The following WNK2 variants were observed in gnomAD, a reference collection of about 807,000 sequenced individuals.
The protein encoded by WNK2 is serine/threonine-protein kinase WNK2.
A neutral mutation model predicts 192.1 loss-of-function variants in WNK2; 67 were observed. The observed-to-expected ratio is 0.35, with a 90% CI of 0.29 to 0.43. The LOEUF (loss-of-function observed/expected upper bound fraction) is 0.43, where lower values mean the gene tolerates loss of function less well. WNK2 is among the 20% of genes least tolerant of loss of function. The probability of loss-of-function intolerance (pLI) is 1.00; values close to 1 mark genes in which losing one functional copy is unlikely to be tolerated. For missense variants in WNK2, 2,698 were observed against 3,089.7 expected (o/e 0.87, Z 3.01); for synonymous variants, 1,439 against 1,393.9 (o/e 1.03, Z -0.72).
chr9:93,238,332 C>T lies in WNK2; in HGVS notation c.1322+11C>T. The T allele has an allele frequency of 6.2e-7, 1 of 1,612,630 alleles. No homozygotes were observed. On this transcript the variant is annotated intron_variant, in intron 6 of 29. Transcript: ENST00000427277. ...AAACAAGGAGGAAAGGTGAGTTCCC[C>T]TGAAGGGCTGGGTTCTGGGGTCCAT...
Position 93,308,428 on chromosome 9 carries a change from C to A in WNK2, c.6360C>A (p.Thr2120=). 1 of 1,607,096 alleles carries A rather than the reference C, an allele frequency of 6.2e-7. No homozygotes were observed. The highest frequency in any genetic ancestry group is 8.5e-7 in the Non-Finnish European group (1 of 1,177,396). The part of the protein sequence containing the change: ...QVNNSNNKKG[T]FTDDLHKLVD... ...ACAACAGCAACAACAAGAAGGGTAC[C>A]TTCACGGACGACCTGCACAAGCTGG... is the stretch of plus-strand genomic sequence containing the variant. Residue 2120 remains threonine, a synonymous_variant, in exon 28 of 30, where the codon ACC becomes ACA. Transcript: ENST00000427277.
chr9:93,246,755 G>T (rs890018376), intron 7 of WNK2, among the ~76,000 whole-genome samples: 1 of 152,212 alleles, frequency 6.6e-6, no homozygotes, highest in South Asian at 2.1e-4. Context: ...AGGCCTGGCT[G>T]GTCCAGCCTG....
chr9:93,269,018 G>C (rs535937956), intron 19 of WNK2: 102 of 1,386,206 alleles, frequency 7.4e-5, no homozygotes, highest in Non-Finnish European at 9.6e-5. Flanking sequence ...GTGTTGAAGA[G>C]CTCCGCTGTC....
chr9:93,220,046 G>C (rs1233402472), intron 2 of WNK2, among the ~76,000 whole-genome samples: 2 of 152,240 alleles, frequency 1.3e-5, no homozygotes, highest in Non-Finnish European at 2.9e-5. Flanking sequence ...GGTTGTTGGG[G>C]AGGGAGTCTT....
At chr9:93,187,396 A>G (rs1222237048) in intron 2 of WNK2, among the ~76,000 whole-genome samples, 1 of 152,038 alleles carries the variant, frequency 6.6e-6, no homozygotes, top group Non-Finnish European at 1.5e-5. Flanking sequence ...CTATATGTTG[A>G]TGTTCCTTGC....
chr9:93,207,092 G>A (rs939913078), intron 2 of WNK2, among the ~76,000 whole-genome samples: 1 of 152,184 alleles, frequency 6.6e-6, no homozygotes, highest in East Asian at 1.9e-4. Context: ...TAATATCCTG[G>A]GGCATCCAGA....
In WNK2 at chr9:93,292,800, C is replaced by G. The variant is rs1442585777; in HGVS notation, c.5335C>G (p.Pro1779Ala). 14 of 1,541,492 alleles carry G rather than the reference C, an allele frequency of 9.1e-6. No individual in the cohort carries two copies. Among genetic ancestry groups the G allele is most frequent in the Non-Finnish European group, 1.0e-5 (12 of 1,143,792 alleles). ...APPDVYLDEA[P>A]SSPDVKLAVR... Reference sequence around the variant, plus strand: ...ACCCGACGTCTACCTGGACGAGGCCCCCTCCAGCCCCGACGTGAAGCTGGC... The same window carrying G: ...ACCCGACGTCTACCTGGACGAGGCCGCCTCCAGCCCCGACGTGAAGCTGGC... Residue 1779 changes from proline to alanine, a missense_variant, in exon 23 of 30, where the codon CCC becomes GCC. By Grantham distance (27) the Pro-to-Ala change is conservative (BLOSUM62 -1). This residue lies in a region of WNK2 where 1,098 missense variants were observed against 1,101.0 expected (regional missense o/e 1.00). Coordinates refer to ENST00000427277, the MANE Select transcript of WNK2 (RefSeq NM_006648.4).
In WNK2 at chr9:93,238,217, GCT is replaced by G; in HGVS notation, c.1234-10_1234-9del. On this transcript the variant is annotated splice_polypyrimidine_tract_variant and intron_variant, in intron 5 of 29. Transcript: ENST00000427277. ...GCAGCCGATCGGGTCAGGTAACTCT[GCT>G]CTCTCCCTGTCAGGGTATCAAGCCG... 2.5e-6 allele frequency: 4 copies of G among 1,613,584 alleles called. No homozygotes were observed. The highest frequency in any genetic ancestry group is 2.5e-6 in the Non-Finnish European group (3 of 1,179,542).
chr9:93,232,418 C>T (rs563932381), intron 4 of WNK2, among the ~76,000 whole-genome samples: 20 of 152,280 alleles, frequency 1.3e-4, no homozygotes, highest in African/African-American at 4.8e-4. Flanking sequence ...GGGCTGAGAG[C>T]AGGGGCCCAG....
chr9:93,276,520 G>A (rs146189023), intron 19 of WNK2, among the ~76,000 whole-genome samples: 64 of 152,256 alleles, frequency 4.2e-4, no homozygotes, highest in African/African-American at 1.2e-3. Context: ...ATCTGTGCCA[G>A]GCAGGAGTTC....
rs1850931531 is a variant in WNK2, at chr9:93,298,137, C to T, written c.5923+70C>T. 2.0e-6 allele frequency: 3 copies of T among 1,505,052 alleles called. No homozygotes were observed. The South Asian group carries it at 3.6e-5, about 18-fold the overall frequency. The allele number at this position is 1,505,052 out of a possible 1,614,324, so 93.2% of individuals were successfully genotyped here. A position where few individuals can be genotyped will look rare whatever the true frequency, so the allele number is the denominator to read the frequency against. On this transcript the variant is annotated intron_variant, in intron 24 of 29. Coordinates refer to ENST00000427277, the MANE Select transcript of WNK2 (RefSeq NM_006648.4). ...CCCCCGAGTGAGCCTGGGAGGTAGG[C>T]TCCGTGCAGGTGTGACACCCTCGGA...
intron 27 of WNK2, chr9:93,308,014 G>GT (rs1463991197): frequency 2.5e-6 from 1 of 395,970 alleles, no homozygotes; most frequent in African/African-American, 2.0e-5. Flanking sequence ...TCTCTCACAC[G>GT]TGAGTCTGGG....
chr9:93,235,060 TG>T, intron 5 of WNK2, 95 bp downstream of exon 5: 2 of 1,466,922 alleles, frequency 1.4e-6, no homozygotes, highest in Admixed American at 2.1e-5. Flanking sequence ...AAAGCCATCC[TG>T]GCAGCTGTGT....
In WNK2 at chr9:93,256,421, G is replaced by A. The variant is rs771404408; in HGVS notation, c.2157G>A (p.Thr719=). The A allele has an allele frequency of 3.9e-6, 6 of 1,538,362 alleles. No individual in the cohort carries two copies. Among genetic ancestry groups the A allele is most frequent in the East Asian group, 2.4e-5 (1 of 40,926 alleles). ...CGCCGCCCAGCACCCCCATGCCCAC[G>A]GGCCCAGGCCAGCCAGCACCCCCCG... ...VLPPPSTPMP[T]GPGQPAPPGQ... is the part of the protein sequence containing the mutation. Residue 719 remains threonine, a synonymous_variant, in exon 10 of 30, where the codon ACG becomes ACA. Transcript: ENST00000427277.
At chr9:93,238,379 C>T (rs1840178420) in intron 6 of WNK2, 58 bp downstream of exon 6, 15 of 1,514,746 alleles carry the variant, frequency 9.9e-6, no homozygotes, top group Non-Finnish European at 1.4e-5. Flanking sequence ...CTCATTCCAG[C>T]TTGCATTGAG....
At chr9:93,240,804 G>T (rs1334845093) in intron 7 of WNK2, among the ~76,000 whole-genome samples, 1 of 152,252 alleles carries the variant, frequency 6.6e-6, no homozygotes, top group Middle Eastern at 3.4e-3. Flanking sequence ...CAGTAAAATC[G>T]CCACTGCCCA....
intron 2 of WNK2, among the ~76,000 whole-genome samples, chr9:93,202,364 G>GTGTGTGTATGTGTGTA (rs576221975): frequency 6.8e-6 from 1 of 146,078 alleles, no homozygotes; most frequent in Non-Finnish European, 1.5e-5. Flanking sequence ...GTGTGTGTGT[G>GTGTGTGTATGTGTGTA]TGTATGTCTC....
intron 2 of WNK2, among the ~76,000 whole-genome samples, chr9:93,227,395 G>A (rs1020441948): frequency 4.6e-5 from 7 of 152,176 alleles, no homozygotes; most frequent in Non-Finnish European, 7.3e-5. Flanking sequence ...TTACAGGTGT[G>A]AGCCACCGCA....
At chr9:93,269,401 T>C (rs1298740125) in intron 19 of WNK2, among the ~76,000 whole-genome samples, 1 of 152,136 alleles carries the variant, frequency 6.6e-6, no homozygotes, top group Non-Finnish European at 1.5e-5. Flanking sequence ...TCATGAAAAA[T>C]ATCTGTAAAT....
Sources: allele counts gnomAD v4.1 joint callset (sites outside exome capture counted in the v4.1 genomes callset), GRCh38; gene constraint gnomAD v4.1.1; regional missense constraint gnomAD v4.1.1; transcripts MANE v1.5; gene names NCBI Gene and HGNC (gene_info 2026-07-23, HGNC 2026-07-21).